MAP2K5: variants seen among roughly 807,000 people sequenced by gnomAD.
MAP2K5 encodes dual specificity mitogen-activated protein kinase kinase 5.
MAP2K5 carries 49 observed loss-of-function variants against 83.1 expected under a neutral mutation model. The observed-to-expected ratio is 0.59, with a 90% CI of 0.47 to 0.75. The LOEUF (loss-of-function observed/expected upper bound fraction) is 0.75. Ranked by LOEUF, MAP2K5 falls within the 30% of genes least tolerant of loss-of-function variation. The pLI is 0.00. For synonymous variants in MAP2K5, 202 were observed against 191.8 expected (o/e 1.05, Z -0.44); for missense variants, 457 against 557.5 (o/e 0.82, Z 1.82).
At chr15:67,570,182 T>C (rs757649753) in intron 3 of MAP2K5, among the ~76,000 whole-genome samples, 1 of 152,250 alleles carries the variant, frequency 6.6e-6, no homozygotes, top group Non-Finnish European at 1.5e-5. Context: ...TGCCCAAACT[T>C]CTATGAAGGC....
At chr15:67,710,526 T>C in intron 16 of MAP2K5, among the ~76,000 whole-genome samples, 1 of 126,506 alleles carries the variant, frequency 7.9e-6, no homozygotes, top group African/African-American at 3.0e-5. Context: ...TTTTTTGAGA[T>C]AGAGTCTCGC....
Position 67,668,897 on chromosome 15 carries a change from T to A in MAP2K5, c.847+4252T>A, listed in dbSNP as rs2087454352. 1.3e-5 allele frequency among the ~76,000 whole-genome samples: 2 copies of A among 152,142 alleles called. No homozygotes were observed. The highest frequency in any genetic ancestry group is 1.3e-4 in the Admixed American group (2 of 15,252). ...AACCTGGTTAGTTTCATTTACTTTCTCCAATAGGAGAACTTTTTAAAAATA... is the reference window on the plus strand; with the variant it reads ...AACCTGGTTAGTTTCATTTACTTTCACCAATAGGAGAACTTTTTAAAAATA... On this transcript the variant is annotated intron_variant, in intron 13 of 21. Coordinates refer to ENST00000178640, the MANE Select transcript of MAP2K5 (RefSeq NM_145160.3). This position sits in a 1 kb window ranked among gnomAD's most constrained non-coding sequence, Gnocchi z 4.0.
At chr15:67,553,519 C>T (rs1200321531) in intron 2 of MAP2K5, among the ~76,000 whole-genome samples, 1 of 152,198 alleles carries the variant, frequency 6.6e-6, no homozygotes, top group African/African-American at 2.4e-5. Flanking sequence ...GTACTTTCCA[C>T]TATAGACTTG....
intron 17 of MAP2K5, among the ~76,000 whole-genome samples, chr15:67,739,902 T>G (rs952286867): frequency 6.6e-6 from 1 of 152,224 alleles, no homozygotes; most frequent in African/African-American, 2.4e-5. Flanking sequence ...TTCAGTGATA[T>G]GTGGAACCAA....
intron 2 of MAP2K5, among the ~76,000 whole-genome samples, chr15:67,553,946 A>G (rs912373002): frequency 5.9e-5 from 9 of 151,476 alleles, no homozygotes; most frequent in African/African-American, 2.2e-4. Flanking sequence ...AAAAAAAGAA[A>G]TAGTTGAGAA....
chr15:67,648,289 A>G (rs923208353), intron 11 of MAP2K5, among the ~76,000 whole-genome samples: 8 of 152,122 alleles, frequency 5.3e-5, no homozygotes, highest in Admixed American at 5.2e-4. Flanking sequence ...CTATGGATTT[A>G]CCTATTCTGG....
chr15:67,692,711 G>A (rs1371090476), intron 14 of MAP2K5, among the ~76,000 whole-genome samples, 159 bp downstream of exon 14: 2 of 152,126 alleles, frequency 1.3e-5, no homozygotes, highest in Non-Finnish European at 2.9e-5. Flanking sequence ...TAATCTCTGA[G>A]CGAGTTTCCT....
At chr15:67,806,544 TG>T (rs1800693623) in intron 21 of MAP2K5, 101 bp from the exon 22 acceptor site, 1 of 1,009,436 alleles carries the variant, frequency 9.9e-7, no homozygotes, top group Non-Finnish European at 1.4e-6. Flanking sequence ...ACAGGGTTAC[TG>T]GGGAAAGAGA....
chr15:67,772,075 C>T (rs1262848089), intron 20 of MAP2K5, among the ~76,000 whole-genome samples: 1 of 152,234 alleles, frequency 6.6e-6, no homozygotes, highest in Non-Finnish European at 1.5e-5. Context: ...ATTCTTTAAG[C>T]AGCTTAAACA....
At chr15:67,630,982 C>G in intron 9 of MAP2K5, 55 bp downstream of exon 9, 1 of 1,361,698 alleles carries the variant, frequency 7.3e-7, no homozygotes. Flanking sequence ...TTCCTTTCCT[C>G]TGTTAGCTTG....
At position 67,543,408 on chromosome 15, in the gene MAP2K5, A is replaced by G. The variant is rs2084334687; in HGVS notation, c.73A>G (p.Asn25Asp). ...GCTGGTAATTCGCATCAAGATCCCA[A>G]ATAGTGGCGCGGTGGACTGGACAGT... is the stretch of plus-strand genomic sequence containing the variant. ...QVLVIRIKIP[N>D]SGAVDWTVHS... Residue 25 changes from asparagine (N) to aspartate (D), a missense_variant, in exon 1 of 22, where the codon AAT becomes GAT. Coordinates refer to ENST00000178640, the MANE Select transcript of MAP2K5 (RefSeq NM_145160.3). This position sits in a 1 kb window ranked among gnomAD's most constrained non-coding sequence, Gnocchi z 4.3. 3 of 1,613,978 alleles carry G rather than the reference A, an allele frequency of 1.9e-6. No individual in the cohort carries two copies. The highest frequency in any genetic ancestry group is 1.7e-6 in the Non-Finnish European group (2 of 1,179,996).
intron 3 of MAP2K5, among the ~76,000 whole-genome samples, chr15:67,566,205 C>T (rs1353881349): frequency 5.3e-5 from 8 of 152,096 alleles, no homozygotes; most frequent in Non-Finnish European, 1.5e-5. Flanking sequence ...GATGAAGTCT[C>T]ATTCTGTTGC....
intron 3 of MAP2K5, among the ~76,000 whole-genome samples, chr15:67,575,939 A>T (rs531524073): frequency 5.5e-5 from 1 of 18,316 alleles, no homozygotes; most frequent in Admixed American, 5.1e-4. Flanking sequence ...TTTTTTTTTA[A>T]GATGGAGTCT....
At chr15:67,664,537 G>T in intron 12 of MAP2K5, 60 bp from the exon 13 acceptor site, 1 of 1,105,278 alleles carries the variant, frequency 9.0e-7, no homozygotes, top group South Asian at 1.3e-5. Context: ...TTTAAATATG[G>T]AAAGTTCCTT....
intron 17 of MAP2K5, among the ~76,000 whole-genome samples, chr15:67,735,867 A>C (rs1392659761): frequency 2.0e-5 from 3 of 152,148 alleles, no homozygotes; most frequent in East Asian, 3.9e-4. Context: ...CTTTGCTATT[A>C]TCTCTCCCTC....
intron 11 of MAP2K5, among the ~76,000 whole-genome samples, chr15:67,656,398 C>T (rs1279494846): frequency 2.0e-5 from 3 of 150,262 alleles, no homozygotes; most frequent in African/African-American, 7.4e-5. Flanking sequence ...AGTCTCTGCT[C>T]ACTGCAACCT....
At chr15:67,686,784 G>A (rs2087969062) in intron 13 of MAP2K5, among the ~76,000 whole-genome samples, 1 of 152,098 alleles carries the variant, frequency 6.6e-6, no homozygotes, top group Non-Finnish European at 1.5e-5. Flanking sequence ...AAACTTTTTG[G>A]ATGAGTTTAA....
At chr15:67,752,158 T>C (rs1370082624) in intron 19 of MAP2K5, among the ~76,000 whole-genome samples, 1 of 152,024 alleles carries the variant, frequency 6.6e-6, no homozygotes, top group Non-Finnish European at 1.5e-5. Context: ...CTCTGCCTTC[T>C]GGGTTCAAGC....
rs192586278 is a variant in MAP2K5, at chr15:67,730,873, A to C, written c.1074+2928A>C. 8.1e-4 allele frequency among the ~76,000 whole-genome samples: 123 copies of C among 152,280 alleles called. 1 individual carries two copies. The highest frequency in any genetic ancestry group is 7.7e-3 in the East Asian group (40 of 5,182). On this transcript the variant is annotated intron_variant, in intron 17 of 21. Coordinates refer to ENST00000178640, the MANE Select transcript of MAP2K5 (RefSeq NM_145160.3). ...GAGCCAGAGTATTAGAATTAGAATT[A>C]GGTGCTACCACAGTCTCACTGCAGG...
Sources: gnomAD v4.1 joint callset for allele counts (sites outside exome capture counted in the v4.1 genomes callset) on GRCh38, gnomAD v4.1.1 for gene constraint, Gnocchi (gnomAD v3.1) non-coding constraint, MANE v1.5 for transcripts, NCBI Gene and HGNC (gene_info 2026-07-23, HGNC 2026-07-21) for gene names.